Variants in POM121 observed in about 807,000 individuals in gnomAD.
POM121 encodes the protein nuclear envelope pore membrane protein POM 121.
In POM121, 32 loss-of-function variants were observed where a neutral mutation model predicts 81.3. That is an observed-to-expected ratio of 0.39 (90% CI 0.30 to 0.53). The LOEUF (loss-of-function observed/expected upper bound fraction) is 0.53. POM121 is among the 20% of genes least tolerant of loss of function. The pLI, the probability that POM121 is intolerant of heterozygous loss-of-function variation, is 0.66. For missense variants in POM121, 1,138 were observed against 1,614.6 expected, an observed-to-expected ratio of 0.70 and a Z score of 5.06; for synonymous variants, 514 against 694.2, an observed-to-expected ratio of 0.74 and a Z score of 4.08.
chr7:72,883,873 C>T (rs1554489663), intron 1 of POM121, among the ~76,000 whole-genome samples: 3 of 152,058 alleles, frequency 2.0e-5, no homozygotes, highest in Non-Finnish European at 4.4e-5. Flanking sequence ...AAATGGTGAT[C>T]TGCTAATTCT....
At position 72,894,656 on chromosome 7, in the gene POM121, A is replaced by G. The variant is rs1345040272; in HGVS notation, c.-216+3546A>G. 4.0e-5 allele frequency among the ~76,000 whole-genome samples: 6 copies of G among 148,764 alleles called. No individual in the cohort carries two copies. In the South Asian group the frequency reaches 1.1e-3, roughly 27 times the overall value. ...GAGAGAGAGAGAGAGAGAGAGAGAG[A>G]GAGAGAGAGAGAGAGAGAGAGAGAG... On this transcript the variant is annotated intron_variant, in intron 3 of 15. Transcript: ENST00000395270.
exon 1 of POM121, chr7:72,879,854 C>A (rs1554488998): frequency 2.0e-6 from 1 of 512,574 alleles, no homozygotes; most frequent in African/African-American, 1.9e-5. Flanking sequence ...CTCTCGGGAG[C>A]CGTGGGGCAG....
At chr7:72,941,087 T>G (rs1237653585) in intron 10 of POM121, 94 bp downstream of exon 10, 1 of 1,556,836 alleles carries the variant, frequency 6.4e-7, no homozygotes, top group African/African-American at 1.4e-5. Flanking sequence ...CGCTGGAGAT[T>G]GCTCTGCAGG....
intron 5 of POM121, among the ~76,000 whole-genome samples, chr7:72,937,179 A>G (rs1586172353): frequency 6.6e-6 from 1 of 151,412 alleles, no homozygotes; most frequent in Non-Finnish European, 1.5e-5. Flanking sequence ...CGCTTGAACC[A>G]GGGAGGCGGA....
chr7:72,919,000 C>T (rs147767686), intron 4 of POM121, among the ~76,000 whole-genome samples: 3,295 of 152,182 alleles, frequency 0.022, 62 homozygotes, highest in Middle Eastern at 0.088. Context: ...AGGGTTTCAC[C>T]GTGTTAACCA....
At chr7:72,881,507 A>G (rs1187465772) in intron 1 of POM121, among the ~76,000 whole-genome samples, 1 of 151,178 alleles carries the variant, frequency 6.6e-6, no homozygotes, top group African/African-American at 2.4e-5. Context: ...TATCAGCCAC[A>G]GTCTCTGCAA....
At chr7:72,920,497 A>T (rs145601363), upstream of POM121, among the ~76,000 whole-genome samples, 2,153 of 151,836 alleles carry the variant, frequency 0.014, 128 homozygotes, top group East Asian at 0.12. Context: ...TACAGGCACC[A>T]GTCACCATCA....
chr7:72,945,848 A>G lies in POM121; in HGVS notation c.3652+140A>G, dbSNP rs374292955. The G allele has an allele frequency of 6.3e-3, 8,895 of 1,422,986 alleles. 250 individuals carry two copies. In the African/African-American group the frequency reaches 0.084, roughly 13 times the overall value. 88.1% of individuals were successfully genotyped at this position (1,422,986 alleles called of 1,614,324 possible). On this transcript the variant is annotated intron_variant, in intron 12 of 12. Coordinates refer to ENST00000434423, the MANE Select transcript of POM121 (RefSeq NM_001387691.1). The stretch of plus-strand genomic sequence containing the variant: ...CATTTCGGGTTAGGAGTCCAGCACA[A>G]CCCAGGGATGGGAGTTGGATGGCAG...
chr7:72,894,701 A>G (rs1586079790), intron 3 of POM121, among the ~76,000 whole-genome samples: 1 of 146,526 alleles, frequency 6.8e-6, no homozygotes, highest in African/African-American at 2.7e-5. Flanking sequence ...CCTGTCGCCC[A>G]GGCTGGGAGT....
At chr7:72,936,519 C>T (rs1184961889) in intron 5 of POM121, among the ~76,000 whole-genome samples, 2 of 152,172 alleles carry the variant, frequency 1.3e-5, no homozygotes, top group African/African-American at 2.4e-5. Flanking sequence ...CCTCGTGATC[C>T]GCCCACCTTG....
In POM121 at chr7:72,925,526, A is replaced by G. The variant is rs1298392168; in HGVS notation, c.405A>G (p.Leu135=). The part of the protein sequence containing the change: ...LLEGPDPAEL[L]LMGSYLGKPG... ...AAGGACCTGACCCTGCGGAACTGCTACTCATGGGCAGTTACCTGGGCAAGC... is the reference window on the plus strand; with the variant it reads ...AAGGACCTGACCCTGCGGAACTGCTGCTCATGGGCAGTTACCTGGGCAAGC... Residue 135 remains leucine, a synonymous_variant, in exon 1 of 13, where the codon CTA becomes CTG. Transcript: ENST00000434423. 4.0e-5 allele frequency: 62 copies of G among 1,532,406 alleles called. No homozygotes were observed. In the Middle Eastern group the frequency reaches 2.3e-3, roughly 57 times the overall value. The allele number at this position is 1,532,406 out of a possible 1,614,324, so 94.9% of individuals were successfully genotyped here. A position where few individuals can be genotyped will look rare whatever the true frequency, so the allele number is the denominator to read the frequency against.
At chr7:72,894,863 T>C (rs1554491485) in intron 3 of POM121, among the ~76,000 whole-genome samples, 1 of 152,144 alleles carries the variant, frequency 6.6e-6, no homozygotes, top group African/African-American at 2.4e-5. Context: ...GGTGTCCCTA[T>C]GTTGCCCAGG....
intron 3 of POM121, among the ~76,000 whole-genome samples, chr7:72,913,458 G>A (rs1554494593): frequency 1.3e-5 from 2 of 152,218 alleles, no homozygotes; most frequent in Non-Finnish European, 2.9e-5. Context: ...GGGCCAGGGA[G>A]CAGGGTGGAT....
At chr7:72,880,256 G>A (rs1194352546) in intron 1 of POM121, among the ~76,000 whole-genome samples, 10 of 152,156 alleles carry the variant, frequency 6.6e-5, no homozygotes, top group Non-Finnish European at 1.0e-4. Context: ...TGCCCTGGGA[G>A]AATCGTAGTA....
intron 3 of POM121, among the ~76,000 whole-genome samples, chr7:72,894,683 T>G (rs1791751323): frequency 4.8e-5 from 5 of 104,560 alleles, no homozygotes; most frequent in African/African-American, 2.5e-4. Flanking sequence ...GAGAGAGAGA[T>G]CTCCGTCCCT....
chr7:72,879,526 G>C (rs567577607), exon 1 of POM121: 1 of 260,976 alleles, frequency 3.8e-6, no homozygotes, highest in South Asian at 3.2e-5. Context: ...GCCGGGTAGA[G>C]GCTCGAGCCG....
At chr7:72,912,784 A>G (rs1469835652) in intron 3 of POM121, among the ~76,000 whole-genome samples, 1 of 152,178 alleles carries the variant, frequency 6.6e-6, no homozygotes, top group Non-Finnish European at 1.5e-5. Context: ...TTTCAAAACA[A>G]GATCTAAGTG....
chr7:72,888,675 A>AGTGTGT (rs57062510), intron 1 of POM121, among the ~76,000 whole-genome samples: 448 of 143,288 alleles, frequency 3.1e-3, no homozygotes, highest in African/African-American at 8.2e-3. Flanking sequence ...GAGGCATAAG[A>AGTGTGT]GTGTGTGTGT....
In POM121 at chr7:72,931,591, C is replaced by A. The variant is rs528091374; in HGVS notation, c.1275+1480C>A. ...CGCAATTTCTTTTTTTTTTTTTTTGCCGGAGTCTTACTCTTGTCGCCCAGG... is the reference window on the plus strand; with the variant it reads ...CGCAATTTCTTTTTTTTTTTTTTTGACGGAGTCTTACTCTTGTCGCCCAGG... On this transcript the variant is annotated intron_variant, in intron 5 of 12. Transcript: ENST00000434423. Among the ~76,000 whole-genome samples the A allele has an allele frequency of 7.7e-4, 108 of 140,168 alleles. 1 individual carries two copies. Among genetic ancestry groups the A allele is most frequent in the Admixed American group, 5.7e-3 (78 of 13,654 alleles). The allele number at this position is 140,168 out of a possible 152,430, so 92.0% of individuals were successfully genotyped here. A position where few individuals can be genotyped will look rare whatever the true frequency, so the allele number is the denominator to read the frequency against.
Sources: gnomAD v4.1 joint callset for allele counts (sites outside exome capture counted in the v4.1 genomes callset) on GRCh38, gnomAD v4.1.1 for gene constraint, MANE v1.5 for transcripts, NCBI Gene and HGNC (gene_info 2026-07-23, HGNC 2026-07-21) for gene names.